RIMS1: variants seen among roughly 807,000 people sequenced by gnomAD.
RIMS1 encodes regulating synaptic membrane exocytosis protein 1.
A neutral mutation model predicts 214.1 loss-of-function variants in RIMS1; 83 were observed. The observed-to-expected ratio is 0.39, with a 90% CI of 0.32 to 0.47. The LOEUF (loss-of-function observed/expected upper bound fraction) is 0.47. Among genes scored for constraint, RIMS1 ranks in the 20% least tolerant of loss-of-function variants. The pLI, the probability that RIMS1 is intolerant of heterozygous loss-of-function variation, is 0.99. For missense variants in RIMS1, 2,050 were observed against 2,161.8 expected, an observed-to-expected ratio of 0.95 and a Z score of 1.03; for synonymous variants, 793 against 786.8, an observed-to-expected ratio of 1.01 and a Z score of -0.13.
At chr6:72,276,739 A>G (rs1436185755) in intron 23 of RIMS1, among the ~76,000 whole-genome samples, 1 of 152,222 alleles carries the variant, frequency 6.6e-6, no homozygotes. Flanking sequence ...ACAAATATGT[A>G]CGTATAAAAT....
At chr6:72,291,820 T>A in intron 25 of RIMS1, 114 bp from the exon 26 acceptor site, 1 of 762,378 alleles carries the variant, frequency 1.3e-6, no homozygotes, top group Non-Finnish European at 2.3e-6. Context: ...CTGCTCCCAT[T>A]GGCCCAGTGA....
intron 4 of RIMS1, chr6:72,148,649 T>G: frequency 2.2e-6 from 1 of 456,432 alleles, no homozygotes; most frequent in Non-Finnish European, 4.4e-6. Flanking sequence ...GAATTAGTTA[T>G]GCTTAACTAT....
intron 2 of RIMS1, among the ~76,000 whole-genome samples, chr6:72,068,116 T>A (rs1299611138): frequency 6.6e-6 from 1 of 152,118 alleles, no homozygotes; most frequent in Non-Finnish European, 1.5e-5. Context: ...TTTTCATGCC[T>A]GGAAGAAGAA....
chr6:71,987,626 A>G (rs1800417453), intron 2 of RIMS1, among the ~76,000 whole-genome samples: 1 of 152,192 alleles, frequency 6.6e-6, no homozygotes, highest in Non-Finnish European at 1.5e-5. Flanking sequence ...TTTGTGCTAC[A>G]ATAAGACTAC....
At chr6:71,940,491 A>C (rs1483385205) in intron 1 of RIMS1, among the ~76,000 whole-genome samples, 1 of 152,222 alleles carries the variant, frequency 6.6e-6, no homozygotes, top group East Asian at 1.9e-4. Flanking sequence ...TTTTAAAAGC[A>C]CAGTAAACTT....
chr6:72,227,217 G>A (rs927615057), intron 6 of RIMS1, among the ~76,000 whole-genome samples: 7 of 151,958 alleles, frequency 4.6e-5, no homozygotes, highest in African/African-American at 7.2e-5. Context: ...TTTCAAATAA[G>A]TAAACTGCTG....
chr6:72,087,344 C>T (rs539451108), intron 2 of RIMS1, among the ~76,000 whole-genome samples: 2 of 152,206 alleles, frequency 1.3e-5, no homozygotes, highest in Admixed American at 1.3e-4. Context: ...CCTTCACAGA[C>T]ATTTTAAGAT....
chr6:72,062,182 T>G lies in RIMS1; in HGVS notation c.246-34767T>G, dbSNP rs9446559. On this transcript the variant is annotated intron_variant, in intron 2 of 33. Coordinates refer to ENST00000521978, the MANE Select transcript of RIMS1 (RefSeq NM_014989.7). Reference sequence around the variant, plus strand: ...TATTTATTTCTTAATATTTTATATTTTATTTAAAAGGAGTCATGAGGCAAC... The same window carrying G: ...TATTTATTTCTTAATATTTTATATTGTATTTAAAAGGAGTCATGAGGCAAC... 5.5e-3 allele frequency among the ~76,000 whole-genome samples: 832 copies of G among 152,322 alleles called. 7 individuals carry two copies. The highest frequency in any genetic ancestry group is 0.019 in the African/African-American group (785 of 41,574).
chr6:72,182,929 G>A lies in RIMS1; in HGVS notation c.1458G>A (p.Lys486=). 6.3e-7 allele frequency: 1 copy of A among 1,585,460 alleles called. No individual in the cohort carries two copies. Residue 486 remains lysine (K), a synonymous_variant, in exon 6 of 34, where the codon AAG becomes AAA. Transcript: ENST00000521978. The part of the protein sequence containing the change: ...LDPSSAVLMR[K]AKREKVETML... ...CCAGCTCGGCGGTCCTCATGCGGAA[G>A]GCCAAGCGCGAGAAGGTGGAGACCA...
chr6:71,995,482 GTA>G (rs1554180488), intron 2 of RIMS1, among the ~76,000 whole-genome samples: 2 of 150,464 alleles, frequency 1.3e-5, no homozygotes, highest in African/African-American at 4.9e-5. Context: ...GTGTGTGTGT[GTA>G]TGTTTGTGTC....
chr6:72,144,655 C>T (rs552874774), intron 4 of RIMS1, among the ~76,000 whole-genome samples: 8 of 152,026 alleles, frequency 5.3e-5, no homozygotes, highest in African/African-American at 1.4e-4. Context: ...TAAAGACACT[C>T]CATTTACCCC....
intron 4 of RIMS1, among the ~76,000 whole-genome samples, chr6:72,162,612 G>A: frequency 7.1e-6 from 1 of 140,288 alleles, no homozygotes. Flanking sequence ...GCATTTGCTT[G>A]TCTGTAAAGG....
intron 2 of RIMS1, among the ~76,000 whole-genome samples, chr6:72,092,291 C>CCCTCCCTCCCTTCCTT (rs745668426): frequency 4.6e-5 from 5 of 107,978 alleles, no homozygotes; most frequent in Admixed American, 9.6e-5. Flanking sequence ...CTCCCTCCCT[C>CCCTCCCTCCCTTCCTT]CCTTCCTTCC....
At chr6:72,174,844 A>G (rs1562494480) in intron 4 of RIMS1, among the ~76,000 whole-genome samples, 3 of 152,332 alleles carry the variant, frequency 2.0e-5, no homozygotes, top group Admixed American at 6.5e-5. Context: ...GAAACATTCT[A>G]TATCATATTT....
intron 1 of RIMS1, among the ~76,000 whole-genome samples, chr6:71,891,448 A>G (rs1302172060): frequency 6.6e-6 from 1 of 152,224 alleles, no homozygotes; most frequent in East Asian, 1.9e-4. Flanking sequence ...GGAGAGAGAA[A>G]GTAGAATGAG....
At chr6:72,075,180 C>T (rs1831493916) in intron 2 of RIMS1, among the ~76,000 whole-genome samples, 1 of 152,080 alleles carries the variant, frequency 6.6e-6, no homozygotes, top group South Asian at 2.1e-4. Flanking sequence ...CTTCTGGGCT[C>T]AAGCACTCTT....
intron 6 of RIMS1, among the ~76,000 whole-genome samples, chr6:72,230,653 A>T (rs541111128): frequency 6.6e-6 from 1 of 151,544 alleles, no homozygotes; most frequent in Non-Finnish European, 1.5e-5. Context: ...CTTGTTACAT[A>T]CTCTAATCAT....
intron 4 of RIMS1, among the ~76,000 whole-genome samples, chr6:72,114,937 CTTGAG>C (rs2036787335): frequency 1.3e-5 from 2 of 151,934 alleles, no homozygotes; most frequent in Non-Finnish European, 2.9e-5. Context: ...CTAGAAGATA[CTTGAG>C]TTGAGCAGAA....
At chr6:72,075,629 TTAAC>T (rs1831629055) in intron 2 of RIMS1, among the ~76,000 whole-genome samples, 1 of 152,182 alleles carries the variant, frequency 6.6e-6, no homozygotes. Flanking sequence ...AAAAAATTAT[TTAAC>T]TAAGATTAGA....
Sources: gnomAD v4.1 joint callset for allele counts (sites outside exome capture counted in the v4.1 genomes callset) on GRCh38, gnomAD v4.1.1 for gene constraint, MANE v1.5 for transcripts, NCBI Gene and HGNC (gene_info 2026-07-23, HGNC 2026-07-21) for gene names.